The following VPS13B variants were observed in gnomAD, a reference collection of about 807,000 sequenced individuals.
The protein encoded by VPS13B is vacuolar protein sorting 13 homolog B, also known as intermembrane lipid transfer protein VPS13B.
VPS13B carries 285 observed loss-of-function variants against 426.4 expected under a neutral mutation model. The ratio of observed to expected loss-of-function variants is 0.67; its 90% CI spans 0.61 to 0.74. The LOEUF is 0.74. Ranked by LOEUF, VPS13B falls within the 30% of genes least tolerant of loss-of-function variation. The pLI, the probability that VPS13B is intolerant of heterozygous loss-of-function variation, is 0.00. For synonymous variants in VPS13B, 1,676 were observed against 1,676.4 expected (o/e 1.00, Z 0.01); for missense variants, 4,537 against 4,782.6 (o/e 0.95, Z 1.51).
chr8:99,540,009 TAAATTATATA>T (rs1232842944), intron 30 of VPS13B, among the ~76,000 whole-genome samples: 37 of 86,666 alleles, frequency 4.3e-4, no homozygotes, highest in African/African-American at 1.7e-3. Context: ...AATATATAAA[TAAATTATATA>T]TATATATATA....
At chr8:99,192,336 A>T (rs1164471848) in intron 16 of VPS13B, among the ~76,000 whole-genome samples, 1 of 152,198 alleles carries the variant, frequency 6.6e-6, no homozygotes, top group East Asian at 1.9e-4. Flanking sequence ...AAGTATTAGG[A>T]TAGAGGGCTG....
intron 19 of VPS13B, among the ~76,000 whole-genome samples, chr8:99,371,512 C>T (rs765230060): frequency 1.2e-4 from 19 of 152,106 alleles, no homozygotes; most frequent in African/African-American, 3.9e-4. Context: ...TTTGAAGTCA[C>T]GTAGCGTGAT....
intron 42 of VPS13B, 75 bp from the exon 43 acceptor site, chr8:99,784,240 C>T: frequency 6.3e-7 from 1 of 1,594,476 alleles, no homozygotes; most frequent in South Asian, 1.1e-5. Flanking sequence ...GTAACAATCG[C>T]CACTGGGCAG....
chr8:99,015,543 C>T (rs1037928871), intron 2 of VPS13B, among the ~76,000 whole-genome samples: 1 of 147,532 alleles, frequency 6.8e-6, no homozygotes, highest in Admixed American at 7.0e-5. Context: ...ATGTTTTACA[C>T]CTGTGCAACT....
intron 21 of VPS13B, 92 bp downstream of exon 21, chr8:99,391,796 A>G (rs1814462450): frequency 3.4e-6 from 5 of 1,474,250 alleles, no homozygotes; most frequent in Non-Finnish European, 1.9e-6. Context: ...CTGGCCAAAG[A>G]CATGAGACTC....
At position 99,836,635 on chromosome 8, in the gene VPS13B, AC is replaced by A. The variant is rs199964380; in HGVS notation, c.9942+898del. ...TTATGAGTGAATAATATTGTGCCAT[AC>A]TTTTTTAAAAAGTTCTTCCACATTT... On this transcript the variant is annotated intron_variant, in intron 54 of 61. Coordinates refer to ENST00000357162, the MANE Select transcript of VPS13B (RefSeq NM_152564.5). Among the ~76,000 whole-genome samples, 768 of 152,326 alleles carry A rather than the reference AC, an allele frequency of 5.0e-3. 4 individuals are homozygous for A. Among genetic ancestry groups the A allele is most frequent in the African/African-American group, 0.017 (689 of 41,564 alleles).
chr8:99,780,856 G>A (rs1208221971), intron 42 of VPS13B, among the ~76,000 whole-genome samples: 1 of 152,064 alleles, frequency 6.6e-6, no homozygotes, highest in African/African-American at 2.4e-5. Flanking sequence ...GCTTACAAAG[G>A]GTTATTGAGT....
intron 21 of VPS13B, among the ~76,000 whole-genome samples, chr8:99,411,106 A>G (rs150379027): frequency 0.011 from 1,677 of 152,218 alleles, 15 homozygotes; most frequent in Non-Finnish European, 0.015. Flanking sequence ...ATCAAATGGT[A>G]TTTCTGGTTC....
chr8:99,572,778 T>A (rs1279742997), intron 31 of VPS13B, among the ~76,000 whole-genome samples: 1 of 152,236 alleles, frequency 6.6e-6, no homozygotes, highest in East Asian at 1.9e-4. Flanking sequence ...TGCATGTGTC[T>A]TTATAGCAGC....
chr8:99,774,104 T>G (rs1480453935), intron 40 of VPS13B, among the ~76,000 whole-genome samples: 1 of 152,154 alleles, frequency 6.6e-6, no homozygotes, highest in East Asian at 1.9e-4. Context: ...GTGATTTAAG[T>G]TAAGAATATC....
At chr8:99,754,645 T>C (rs1305486691) in intron 39 of VPS13B, among the ~76,000 whole-genome samples, 3 of 152,182 alleles carry the variant, frequency 2.0e-5, no homozygotes, top group Admixed American at 2.0e-4. Context: ...CTTACTCTCC[T>C]CCAGCCATCA....
intron 3 of VPS13B, among the ~76,000 whole-genome samples, chr8:99,080,806 G>A (rs1484913203): frequency 2.6e-5 from 4 of 152,084 alleles, no homozygotes; most frequent in South Asian, 2.1e-4. Flanking sequence ...AGATTTCTTC[G>A]TGTGCTTTAG....
intron 17 of VPS13B, among the ~76,000 whole-genome samples, chr8:99,213,550 G>C (rs1015558989): frequency 6.6e-6 from 1 of 152,042 alleles, no homozygotes; most frequent in East Asian, 1.9e-4. Context: ...TTCTCTAAGA[G>C]CCTGCTTTGA....
In VPS13B at chr8:99,875,697, G is replaced by GTGAT. The variant is rs373852425; in HGVS notation, c.*33_*36dup. 6.0e-3 allele frequency: 9,678 copies of GTGAT among 1,613,936 alleles called. 469 individuals are homozygous for GTGAT. The African/African-American group carries it at 0.11, about 19-fold the overall frequency. ...CTCTGAGGTGTTTATTCCTGCTTGT[G>GTGAT]TGATTTAGTTTTTGGGTTTCTTTGA... is the stretch of plus-strand genomic sequence containing the variant. On this transcript the variant is annotated 3_prime_UTR_variant, in exon 62 of 62. Transcript: ENST00000357162.
chr8:99,669,742 T>C (rs1048582938), intron 35 of VPS13B, among the ~76,000 whole-genome samples: 19 of 152,144 alleles, frequency 1.2e-4, no homozygotes, highest in African/African-American at 4.6e-4. Context: ...TCATTCTGGC[T>C]TCTGATTGGT....
chr8:99,524,756 A>G (rs74321809), intron 30 of VPS13B, among the ~76,000 whole-genome samples: 9,296 of 152,200 alleles, frequency 0.061, 366 homozygotes, highest in African/African-American at 0.11. Flanking sequence ...TTATACCCCC[A>G]CGCTCCAGCC....
chr8:99,383,206 G>A (rs943308117), intron 19 of VPS13B, among the ~76,000 whole-genome samples: 6 of 152,026 alleles, frequency 3.9e-5, no homozygotes, highest in Non-Finnish European at 5.9e-5. Context: ...TTACACTTCC[G>A]CTTTGTGTTT....
intron 39 of VPS13B, among the ~76,000 whole-genome samples, chr8:99,745,350 A>G (rs1253921559): frequency 1.3e-5 from 2 of 152,058 alleles, no homozygotes; most frequent in East Asian, 1.9e-4. Context: ...AAATTTTTCT[A>G]TTATGAAAAA....
intron 24 of VPS13B, among the ~76,000 whole-genome samples, chr8:99,474,187 T>G (rs952539600): frequency 6.7e-6 from 1 of 148,508 alleles, no homozygotes; most frequent in Non-Finnish European, 1.5e-5. Flanking sequence ...TATCCAATTT[T>G]TTTTTTTTTT....
Sources: allele counts gnomAD v4.1 joint callset (sites outside exome capture counted in the v4.1 genomes callset), GRCh38; gene constraint gnomAD v4.1.1; transcripts MANE v1.5; gene names NCBI Gene and HGNC (gene_info 2026-07-23, HGNC 2026-07-21).